Variants in TRIP4 observed in about 807,000 individuals in gnomAD.
TRIP4 encodes activating signal cointegrator 1.
TRIP4 carries 54 observed loss-of-function variants against 81.8 expected under a neutral mutation model. That is an observed-to-expected ratio of 0.66 (90% CI 0.53 to 0.83). The LOEUF (loss-of-function observed/expected upper bound fraction) is 0.83, where lower values mean the gene tolerates loss of function less well. TRIP4 is among the 40% of genes least tolerant of loss of function. The probability of loss-of-function intolerance (pLI) is 0.00; values close to 1 mark genes in which losing one functional copy is unlikely to be tolerated. For synonymous variants in TRIP4, 270 were observed against 242.8 expected (o/e 1.11, Z -1.04); for missense variants, 662 against 683.6 (o/e 0.97, Z 0.35).
chr15:64,437,402 G>A (rs1892425878), intron 11 of TRIP4, among the ~76,000 whole-genome samples: 1 of 151,604 alleles, frequency 6.6e-6, no homozygotes, highest in African/African-American at 2.4e-5. Context: ...GGGCGACAGG[G>A]TGAGACTCCA....
At chr15:64,447,098 C>G (rs576457904) in intron 12 of TRIP4, among the ~76,000 whole-genome samples, 2 of 151,886 alleles carry the variant, frequency 1.3e-5, no homozygotes, top group African/African-American at 4.8e-5. Context: ...AGCGAGACTC[C>G]GTCTCAAAAC....
intron 7 of TRIP4, among the ~76,000 whole-genome samples, chr15:64,413,592 A>T (rs1005384850): frequency 1.7e-4 from 25 of 149,104 alleles, no homozygotes; most frequent in Non-Finnish European, 2.5e-4. Flanking sequence ...ATTTATTTTT[A>T]TTTTTTTTTA....
chr15:64,389,776 C>T (rs1399875184), intron 1 of TRIP4, among the ~76,000 whole-genome samples: 1 of 146,400 alleles, frequency 6.8e-6, no homozygotes, highest in Non-Finnish European at 1.5e-5. Flanking sequence ...GCGATCTCAG[C>T]TCGCTGCAAC....
intron 11 of TRIP4, among the ~76,000 whole-genome samples, chr15:64,427,205 C>A (rs1892169871): frequency 6.6e-6 from 1 of 152,122 alleles, no homozygotes; most frequent in African/African-American, 2.4e-5. Context: ...TTTTCCTGTT[C>A]TTTGAACAGT....
At chr15:64,390,584 ACAGTAT>A (rs1317022260) in intron 1 of TRIP4, among the ~76,000 whole-genome samples, 1 of 152,144 alleles carries the variant, frequency 6.6e-6, no homozygotes, top group African/African-American at 2.4e-5. Context: ...TTTGGATTAC[ACAGTAT>A]CAAGAAAATG....
At chr15:64,442,797 G>A (rs980655675) in intron 11 of TRIP4, among the ~76,000 whole-genome samples, 6 of 151,778 alleles carry the variant, frequency 4.0e-5, no homozygotes, top group African/African-American at 1.4e-4. Context: ...AGACCAGCCT[G>A]GCTAACATGG....
chr15:64,399,256 C>G (rs752814646), intron 4 of TRIP4, among the ~76,000 whole-genome samples: 6 of 151,380 alleles, frequency 4.0e-5, no homozygotes, highest in Non-Finnish European at 7.4e-5. Flanking sequence ...CTGGTGGGAC[C>G]CTTAATTTTT....
In TRIP4 at chr15:64,455,129, C is replaced by T; in HGVS notation, c.*65C>T. ...TGTACTAAAATTGCTATCTACTGGTCCTTTGGAATTGAAGTAGTAGAAACC... is the reference window on the plus strand; with the variant it reads ...TGTACTAAAATTGCTATCTACTGGTTCTTTGGAATTGAAGTAGTAGAAACC... On this transcript the variant is annotated 3_prime_UTR_variant, in exon 13 of 13. Coordinates refer to ENST00000261884, the MANE Select transcript of TRIP4 (RefSeq NM_016213.5). The T allele has an allele frequency of 6.9e-7, 1 of 1,456,674 alleles. No individual in the cohort carries two copies. The highest frequency in any genetic ancestry group is 9.5e-7 in the Non-Finnish European group (1 of 1,051,136). 90.2% of individuals were successfully genotyped at this position (1,456,674 alleles called of 1,614,324 possible).
intron 9 of TRIP4, 96 bp from the exon 10 acceptor site, chr15:64,423,935 C>T (rs1042300271): frequency 1.1e-4 from 165 of 1,486,996 alleles, no homozygotes; most frequent in Non-Finnish European, 1.4e-4. Flanking sequence ...CCTCTTGGTT[C>T]AACTGGATAA....
At chr15:64,398,192 TGCCTG>T (rs1900350461) in intron 4 of TRIP4, among the ~76,000 whole-genome samples, 1 of 152,094 alleles carries the variant, frequency 6.6e-6, no homozygotes, top group Non-Finnish European at 1.5e-5. Context: ...TCAGCCACCG[TGCCTG>T]GCTTTCTCTT....
chr15:64,401,695 A>G (rs868371992), intron 5 of TRIP4, among the ~76,000 whole-genome samples: 1 of 152,224 alleles, frequency 6.6e-6, no homozygotes, highest in African/African-American at 2.4e-5. Flanking sequence ...ATGTGACCAT[A>G]CTTGTATAAA....
intron 11 of TRIP4, among the ~76,000 whole-genome samples, chr15:64,442,624 T>TTA (rs1555411907): frequency 6.9e-6 from 1 of 144,702 alleles, no homozygotes; most frequent in Non-Finnish European, 1.5e-5. Context: ...AGAGTGAAGA[T>TTA]AAAAAAAAAA....
chr15:64,449,676 C>G (rs1222333809), intron 12 of TRIP4, among the ~76,000 whole-genome samples: 3 of 151,856 alleles, frequency 2.0e-5, no homozygotes, highest in Admixed American at 2.0e-4. Context: ...TTTGCTTGAC[C>G]TTAAGGTAAT....
chr15:64,431,847 A>ATATATATATATATATTTTTTTTT, intron 11 of TRIP4, among the ~76,000 whole-genome samples: 1 of 119,560 alleles, frequency 8.4e-6, no homozygotes, highest in African/African-American at 3.3e-5. Context: ...ATATATATAT[A>ATATATATATATATATTTTTTTTT]TTTTTTTTAT....
Position 64,395,438 on chromosome 15 carries a change from G to T in TRIP4, c.312G>T (p.Arg104=). 1.2e-6 allele frequency: 2 copies of T among 1,613,686 alleles called. No individual in the cohort carries two copies. Among genetic ancestry groups the T allele is most frequent in the South Asian group, 2.2e-5 (2 of 91,050 alleles). ...AGAAATCAGGCGACCATCTAAAGCGGGGTAGGAAGAAAGGGAGAAACAGAC... is the reference window on the plus strand; with the variant it reads ...AGAAATCAGGCGACCATCTAAAGCGTGGTAGGAAGAAAGGGAGAAACAGAC... ...DGQKSGDHLK[R]GRKKGRNRQE... The change falls in exon 3 of 13, where the codon CGG becomes CGT. Residue 104 remains arginine, a synonymous_variant. Coordinates refer to ENST00000261884, the MANE Select transcript of TRIP4 (RefSeq NM_016213.5).
At chr15:64,405,461 T>G (rs2140289088) in intron 5 of TRIP4, among the ~76,000 whole-genome samples, 1 of 152,330 alleles carries the variant, frequency 6.6e-6, no homozygotes, top group South Asian at 2.1e-4. Context: ...GCCACTGGTC[T>G]AATTTCTAAC....
At chr15:64,436,807 C>CT (rs1892412809) in intron 11 of TRIP4, among the ~76,000 whole-genome samples, 1 of 98,262 alleles carries the variant, frequency 1.0e-5, no homozygotes, top group Non-Finnish European at 1.8e-5. Flanking sequence ...AGGAGTCTCA[C>CT]TCTGTTGCCT....
At chr15:64,392,156 G>A (rs1338839705) in intron 1 of TRIP4, among the ~76,000 whole-genome samples, 2 of 150,700 alleles carry the variant, frequency 1.3e-5, no homozygotes, top group African/African-American at 4.9e-5. Context: ...AAATTAGCCG[G>A]GTGTGGTTGT....
chr15:64,399,615 C>G (rs956125952), intron 4 of TRIP4, among the ~76,000 whole-genome samples: 1 of 152,040 alleles, frequency 6.6e-6, no homozygotes, highest in Non-Finnish European at 1.5e-5. Flanking sequence ...GATTCTCCTG[C>G]CTTAGCCTCT....
Sources: allele counts gnomAD v4.1 joint callset (sites outside exome capture counted in the v4.1 genomes callset), GRCh38; gene constraint gnomAD v4.1.1; transcripts MANE v1.5; gene names NCBI Gene and HGNC (gene_info 2026-07-23, HGNC 2026-07-21).